C15orf39: variants seen among roughly 807,000 people sequenced by gnomAD.
C15orf39 encodes PRMT2 interacting protein.
A neutral mutation model predicts 53.9 loss-of-function variants in C15orf39; 24 were observed. That is an observed-to-expected ratio of 0.45 (90% CI 0.32 to 0.63). The LOEUF is 0.63. C15orf39 is among the 20% of genes least tolerant of loss of function. The pLI, the probability that C15orf39 is intolerant of heterozygous loss-of-function variation, is 0.04. For missense variants in C15orf39, 1,271 were observed against 1,347.9 expected, an observed-to-expected ratio of 0.94 and a Z score of 0.89; for synonymous variants, 569 against 576.5, an observed-to-expected ratio of 0.99 and a Z score of 0.19.
At position 75,207,422 on chromosome 15, in the gene C15orf39, T is replaced by A. The variant is rs749302923; in HGVS notation, c.1374T>A (p.Ser458=). 1.1e-5 allele frequency: 18 copies of A among 1,613,292 alleles called. No homozygotes were observed. Among genetic ancestry groups the A allele is most frequent in the Admixed American group, 5.0e-5 (3 of 60,004 alleles). The change falls in exon 2 of 3, where the codon TCT becomes TCA. Residue 458 remains serine (S), a synonymous_variant. Coordinates refer to ENST00000394987, the MANE Select transcript of C15orf39 (RefSeq NM_015492.5). ...TCCAGCCCCGGCTCAGTGAGCACTCTGGGCCGCCCATCGTCATCCGAGACA... is the reference window on the plus strand; with the variant it reads ...TCCAGCCCCGGCTCAGTGAGCACTCAGGGCCGCCCATCGTCATCCGAGACA... The part of the protein sequence containing the change: ...EKLQPRLSEH[S]GPPIVIRDSP...
At chr15:75,210,394 G>A (rs2070474796) in intron 2 of C15orf39, among the ~76,000 whole-genome samples, 1 of 152,194 alleles carries the variant, frequency 6.6e-6, no homozygotes, top group African/African-American at 2.4e-5. Context: ...GCAGAAACAT[G>A]ATGGCTGTCT....
chr15:75,204,107 C>A (rs2070422275), intron 1 of C15orf39, among the ~76,000 whole-genome samples: 1 of 152,186 alleles, frequency 6.6e-6, no homozygotes, highest in African/African-American at 2.4e-5. Context: ...GTCATTGGCT[C>A]CAACCAGAAG....
chr15:75,200,074 T>A (rs185675140), upstream of C15orf39, among the ~76,000 whole-genome samples: 11 of 152,340 alleles, frequency 7.2e-5, no homozygotes, highest in East Asian at 2.1e-3. Flanking sequence ...CCCACACTGA[T>A]GTTGGCCGAC....
chr15:75,205,528 C>T (rs140837228), intron 1 of C15orf39, among the ~76,000 whole-genome samples: 4 of 152,040 alleles, frequency 2.6e-5, no homozygotes, highest in East Asian at 1.9e-4. Context: ...TTAAAATATA[C>T]GAGTTGGGGT....
Position 75,206,754 on chromosome 15 carries a change from A to G in C15orf39, c.706A>G (p.Arg236Gly). The change falls in exon 2 of 3, where the codon AGG becomes GGG. Residue 236 changes from arginine (R) to glycine (G), a missense_variant. By Grantham distance (125) the Arg-to-Gly change is moderately radical. Around this residue, in one of 2 missense-constraint regions of C15orf39, gnomAD observed 994 missense variants for 993.7 expected, o/e 1.00. Coordinates refer to ENST00000394987, the MANE Select transcript of C15orf39 (RefSeq NM_015492.5). ...LASRYTGPYP[R>G]NSKQAMSEGP... is the part of the protein sequence containing the mutation. ...CTCCAGGTACACAGGTCCTTACCCT[A>G]GGAACTCCAAGCAAGCAATGTCTGA... The G allele has an allele frequency of 6.2e-7, 1 of 1,613,128 alleles. No individual in the cohort carries two copies. The highest frequency in any genetic ancestry group is 8.5e-7 in the Non-Finnish European group (1 of 1,179,638).
Position 75,207,107 on chromosome 15 carries a change from C to T in C15orf39, c.1059C>T (p.Pro353=), listed in dbSNP as rs769918034. The change falls in exon 2 of 3, where the codon CCC becomes CCT. Residue 353 remains proline, a synonymous_variant. Coordinates refer to ENST00000394987, the MANE Select transcript of C15orf39 (RefSeq NM_015492.5). ...YPYPSAPLPA[P]SPGLKLEPPL... is the part of the protein sequence containing the mutation. ...ACCCCTCTGCCCCTCTCCCAGCACC[C>T]TCTCCAGGCCTCAAGCTGGAGCCGC... The T allele has an allele frequency of 1.8e-5, 29 of 1,613,410 alleles. No homozygotes were observed. The highest frequency in any genetic ancestry group is 2.4e-5 in the Non-Finnish European group (28 of 1,179,938).
intron 1 of C15orf39, among the ~76,000 whole-genome samples, chr15:75,203,089 C>T (rs2070415901): frequency 6.6e-6 from 1 of 152,264 alleles, no homozygotes; most frequent in Non-Finnish European, 1.5e-5. Flanking sequence ...TGGGAGAACA[C>T]TCGGCGAGGC....
In C15orf39 at chr15:75,208,246, A is replaced by C. The variant is rs757091271; in HGVS notation, c.2198A>C (p.Gln733Pro). 5.6e-5 allele frequency: 90 copies of C among 1,605,846 alleles called. No homozygotes were observed. The highest frequency in any genetic ancestry group is 6.1e-5 in the Non-Finnish European group (72 of 1,176,006). ...CCATCCCCTGCTCCGGCTCGAGCTC[A>C]GGCTCCAGCTTCAGCCCGGGATCCA... is the stretch of plus-strand genomic sequence containing the variant. ...PAPSPAPARAQAPASARDPAP... is the reference protein window; with the variant it reads ...PAPSPAPARAPAPASARDPAP... Residue 733 changes from glutamine (Q) to proline (P), a missense_variant, in exon 2 of 3, where the codon CAG becomes CCG. This residue lies in a region of C15orf39 where 994 missense variants were observed against 993.7 expected (regional missense o/e 1.00). Transcript: ENST00000394987.
Position 75,206,279 on chromosome 15 carries a change from G to C in C15orf39, c.231G>C (p.Met77Ile). 6.2e-7 allele frequency: 1 copy of C among 1,614,070 alleles called. No individual in the cohort carries two copies. Among genetic ancestry groups the C allele is most frequent in the Non-Finnish European group, 8.5e-7 (1 of 1,179,964 alleles). ...ACCCACCCTTGTACTCTACCGGTAT[G>C]GCAGGACCCCCACTTCAGGCAGACA... is the stretch of plus-strand genomic sequence containing the variant. Reference protein sequence around the residue: ...TPYPPLYSTGMAGPPLQADNL... With the variant: ...TPYPPLYSTGIAGPPLQADNL... The change falls in exon 2 of 3, where the codon ATG becomes ATC. Residue 77 changes from methionine (M) to isoleucine (I), a missense_variant. By Grantham distance (10) the Met-to-Ile change is conservative. Around this residue, in one of 2 missense-constraint regions of C15orf39, gnomAD observed 994 missense variants for 993.7 expected, o/e 1.00. Coordinates refer to ENST00000394987, the MANE Select transcript of C15orf39 (RefSeq NM_015492.5).
chr15:75,206,198 C>T lies in C15orf39; in HGVS notation c.150C>T (p.Cys50=). The change falls in exon 2 of 3, where the codon TGC becomes TGT. Residue 50 remains cysteine (C), a synonymous_variant. Coordinates refer to ENST00000394987, the MANE Select transcript of C15orf39 (RefSeq NM_015492.5). ...CCTACAAGGGGTCCTACTTCTCCTG[C>T]CCCATGGCAGGTACTCCTAAGGCCG... ...PCTYKGSYFS[C]PMAGTPKAES... The T allele has an allele frequency of 1.9e-6, 3 of 1,614,142 alleles. No individual in the cohort carries two copies. Among genetic ancestry groups the T allele is most frequent in the African/African-American group, 1.3e-5 (1 of 75,038 alleles).
chr15:75,201,745 C>T (rs1198575652), upstream of C15orf39: 2 of 152,106 alleles, frequency 1.3e-5, no homozygotes, highest in African/African-American at 2.4e-5. This position sits in a 1 kb window ranked among gnomAD's most constrained non-coding sequence, Gnocchi z 4.7. Flanking sequence ...CCGCTCCTAG[C>T]GAGCTGGCCC....
Position 75,207,220 on chromosome 15 carries a change from C to G in C15orf39, c.1172C>G (p.Ser391Cys). 1 of 1,613,812 alleles carries G rather than the reference C, an allele frequency of 6.2e-7. No homozygotes were observed. Among genetic ancestry groups the G allele is most frequent in the African/African-American group, 1.3e-5 (1 of 74,992 alleles). ...ARDDLSLYGASPGLGGTPPSQ... is the reference protein window; with the variant it reads ...ARDDLSLYGACPGLGGTPPSQ... ...GATGACCTCTCTCTCTATGGAGCAT[C>G]CCCTGGGCTTGGAGGGACACCACCT... The change falls in exon 2 of 3, where the codon TCC becomes TGC. Residue 391 changes from serine to cysteine, a missense_variant. Transcript: ENST00000394987.
Position 75,206,459 on chromosome 15 carries a change from T to C in C15orf39, c.411T>C (p.Pro137=). ...CACCCAAACCTGTCTACCGCAACCC[T>C]CTGTGCTATGGGCTCTCAACTTGTC... ...LAAPKPVYRN[P]LCYGLSTCLG... The change falls in exon 2 of 3, where the codon CCT becomes CCC. Residue 137 remains proline (P), a synonymous_variant. Coordinates refer to ENST00000394987, the MANE Select transcript of C15orf39 (RefSeq NM_015492.5). 1 of 1,613,986 alleles carries C rather than the reference T, an allele frequency of 6.2e-7. No homozygotes were observed. Among genetic ancestry groups the C allele is most frequent in the Non-Finnish European group, 8.5e-7 (1 of 1,179,968 alleles).
At chr15:75,202,873 G>A (rs910683739) in intron 1 of C15orf39, among the ~76,000 whole-genome samples, 4 of 152,262 alleles carry the variant, frequency 2.6e-5, no homozygotes, top group Admixed American at 2.6e-4. Flanking sequence ...GGGGACACCC[G>A]GAAGCCCGCC....
intron 1 of C15orf39, among the ~76,000 whole-genome samples, chr15:75,203,825 C>T (rs1019673311): frequency 6.6e-6 from 1 of 152,170 alleles, no homozygotes; most frequent in Non-Finnish European, 1.5e-5. Flanking sequence ...CAAAACCCTA[C>T]AGTTCCTTCT....
In C15orf39 at chr15:75,210,919, G is replaced by C. The variant is rs2141603818; in HGVS notation, c.2947G>C (p.Glu983Gln). Residue 983 changes from glutamate (E) to glutamine (Q), a missense_variant, in exon 3 of 3, where the codon GAG becomes CAG. Coordinates refer to ENST00000394987, the MANE Select transcript of C15orf39 (RefSeq NM_015492.5). ...GAAAGCAGAGGCAGCTGCTGGGGAA[G>C]AGTCCTGTGGTGCCTCCCCTACCCC... ...PEKAEAAAGEESCGASPTPAT... is the reference protein window; with the variant it reads ...PEKAEAAAGEQSCGASPTPAT... 6.2e-7 allele frequency: 1 copy of C among 1,613,562 alleles called. No individual in the cohort carries two copies. Among genetic ancestry groups the C allele is most frequent in the African/African-American group, 1.3e-5 (1 of 75,064 alleles).
At position 75,211,222 on chromosome 15, in the gene C15orf39, C is replaced by A; in HGVS notation, c.*106C>A. 6.9e-7 allele frequency: 1 copy of A among 1,445,154 alleles called. No homozygotes were observed. Among genetic ancestry groups the A allele is most frequent in the East Asian group, 2.3e-5 (1 of 42,604 alleles). 89.5% of individuals were successfully genotyped at this position (1,445,154 alleles called of 1,614,324 possible). A position where few individuals can be genotyped will look rare whatever the true frequency, so the allele number is the denominator to read the frequency against. ...TGGATGCTGGGGCTGTGGCTGCTCC[C>A]CTGGAGGGGTTCCATCTCTGACCCT... On this transcript the variant is annotated 3_prime_UTR_variant, in exon 3 of 3. Coordinates refer to ENST00000394987, the MANE Select transcript of C15orf39 (RefSeq NM_015492.5).
intron 2 of C15orf39, 98 bp from the exon 3 acceptor site, chr15:75,210,651 T>G: frequency 6.8e-7 from 1 of 1,480,104 alleles, no homozygotes; most frequent in Non-Finnish European, 9.0e-7. Context: ...CAGCCTGACT[T>G]GGGGCAGAGC....
chr15:75,202,821 C>G (rs1382626647), intron 1 of C15orf39, among the ~76,000 whole-genome samples: 2 of 152,214 alleles, frequency 1.3e-5, no homozygotes, highest in Non-Finnish European at 2.9e-5. Flanking sequence ...GTGTGTCAGC[C>G]TGCTGGATGC....
Sources: gnomAD v4.1 joint callset for allele counts (sites outside exome capture counted in the v4.1 genomes callset) on GRCh38, gnomAD v4.1.1 for gene constraint, gnomAD v4.1.1 regional missense constraint, Gnocchi (gnomAD v3.1) non-coding constraint, MANE v1.5 for transcripts, NCBI Gene and HGNC (gene_info 2026-07-23, HGNC 2026-07-21) for gene names.